The following PRR16 variants were observed in gnomAD, a reference collection of about 807,000 sequenced individuals.
PRR16 encodes the protein proline rich 16, also known as protein Largen.
A neutral mutation model predicts 18.2 loss-of-function variants in PRR16; 6 were observed. That is an observed-to-expected ratio of 0.33 (90% CI 0.18 to 0.65). The LOEUF (loss-of-function observed/expected upper bound fraction) is 0.65. PRR16 is among the 30% of genes least tolerant of loss of function. The pLI is 0.74. For synonymous variants in PRR16, 151 were observed against 147.8 expected (o/e 1.02, Z -0.16); for missense variants, 412 against 376.6 (o/e 1.09, Z -0.78).
chr5:120,638,355 C>T (rs1228962258), intron 1 of PRR16, among the ~76,000 whole-genome samples: 1 of 152,042 alleles, frequency 6.6e-6, no homozygotes, highest in Non-Finnish European at 1.5e-5. Flanking sequence ...GTGGTATTTT[C>T]AAACAGAAGT....
chr5:120,662,862 T>C (rs1363916534), intron 1 of PRR16, among the ~76,000 whole-genome samples: 1 of 151,986 alleles, frequency 6.6e-6, no homozygotes, highest in Non-Finnish European at 1.5e-5. Context: ...GGAATAGGGG[T>C]GGAGGACAAT....
At chr5:120,643,746 T>G (rs1179182666) in intron 1 of PRR16, among the ~76,000 whole-genome samples, 2 of 152,114 alleles carry the variant, frequency 1.3e-5, no homozygotes, top group African/African-American at 4.8e-5. Flanking sequence ...GGCTCACACC[T>G]GCAATTACAG....
the PRR16 span, among the ~76,000 whole-genome samples, chr5:120,738,079 T>G: frequency 6.6e-6 from 1 of 151,722 alleles, no homozygotes; most frequent in African/African-American, 2.4e-5. Context: ...AGCAACTAGG[T>G]ATTAGAGTAG....
intron 1 of PRR16, among the ~76,000 whole-genome samples, chr5:120,514,673 C>A (rs907885532): frequency 6.6e-6 from 1 of 152,172 alleles, no homozygotes; most frequent in African/African-American, 2.4e-5. Flanking sequence ...ACCAGGATAG[C>A]CTTTACTCTA....
At chr5:120,739,744 A>G in the PRR16 span, among the ~76,000 whole-genome samples, 2 of 152,176 alleles carry the variant, frequency 1.3e-5, no homozygotes, top group Non-Finnish European at 2.9e-5. Flanking sequence ...AGCACAAATT[A>G]TCAATTTAAG....
At chr5:120,682,132 T>G (rs537930409) in intron 1 of PRR16, among the ~76,000 whole-genome samples, 1 of 152,324 alleles carries the variant, frequency 6.6e-6, no homozygotes, top group East Asian at 1.9e-4. Context: ...ACAGTGCCCT[T>G]GAGCCAAAAC....
chr5:120,634,900 C>A (rs2112845996), intron 1 of PRR16, among the ~76,000 whole-genome samples: 1 of 151,660 alleles, frequency 6.6e-6, no homozygotes, highest in Non-Finnish European at 1.5e-5. Flanking sequence ...AGAGAAGATC[C>A]AAGTAAACTC....
intron 1 of PRR16, among the ~76,000 whole-genome samples, chr5:120,494,438 T>C (rs1283016019): frequency 6.6e-6 from 1 of 152,042 alleles, no homozygotes; most frequent in Non-Finnish European, 1.5e-5. Flanking sequence ...GTCTGTTATG[T>C]CTTCTGTCCA....
chr5:120,652,878 A>T (rs934548213), intron 1 of PRR16, among the ~76,000 whole-genome samples: 109 of 152,144 alleles, frequency 7.2e-4, no homozygotes, highest in African/African-American at 2.6e-3. Context: ...GATGCTAAAA[A>T]TAGGGGAAAC....
chr5:120,563,346 G>T (rs1165120809), intron 1 of PRR16, among the ~76,000 whole-genome samples: 1 of 152,150 alleles, frequency 6.6e-6, no homozygotes, highest in Non-Finnish European at 1.5e-5. Context: ...GATCCCCCAG[G>T]TCCTAGTAGG....
chr5:120,790,531 A>T, the PRR16 span: 1 of 152,252 alleles, frequency 6.6e-6, no homozygotes, highest in Non-Finnish European at 1.5e-5. Context: ...TGCTGTTTGC[A>T]GACAGAGAAT....
chr5:120,669,671 T>A (rs577359516), intron 1 of PRR16, among the ~76,000 whole-genome samples: 2 of 152,244 alleles, frequency 1.3e-5, no homozygotes, highest in African/African-American at 4.8e-5. Flanking sequence ...AAGAGGTGTT[T>A]TTTAAATAAT....
At chr5:120,517,899 A>G (rs926330548) in intron 1 of PRR16, among the ~76,000 whole-genome samples, 9 of 152,160 alleles carry the variant, frequency 5.9e-5, no homozygotes, top group Admixed American at 1.3e-4. Context: ...GAGATCTACG[A>G]GGACTTCCTG....
the PRR16 span, among the ~76,000 whole-genome samples, chr5:120,793,335 G>GA: frequency 4.6e-5 from 7 of 150,720 alleles, no homozygotes; most frequent in African/African-American, 1.7e-4. Flanking sequence ...CCCTGCCTCA[G>GA]AAAAAAATAA....
chr5:120,754,323 T>C, the PRR16 span, among the ~76,000 whole-genome samples: 1 of 77,244 alleles, frequency 1.3e-5, no homozygotes, highest in Non-Finnish European at 2.3e-5. Context: ...CATATAAATA[T>C]TATATGTTAT....
intron 1 of PRR16, among the ~76,000 whole-genome samples, chr5:120,565,718 A>G (rs1752715424): frequency 6.6e-6 from 1 of 152,256 alleles, no homozygotes; most frequent in African/African-American, 2.4e-5. Flanking sequence ...TTCCTGTGAA[A>G]TAGCTTTGTT....
the PRR16 span, among the ~76,000 whole-genome samples, chr5:120,709,229 G>A: frequency 1.3e-5 from 2 of 151,672 alleles, no homozygotes; most frequent in Non-Finnish European, 1.5e-5. Context: ...GGATGGTCTC[G>A]ATCTCCTGAC....
intron 1 of PRR16, among the ~76,000 whole-genome samples, chr5:120,611,388 A>G (rs1238682545): frequency 2.6e-5 from 4 of 152,210 alleles, no homozygotes; most frequent in South Asian, 4.1e-4. Context: ...TCTCCAGGCT[A>G]TGTCAGAGAC....
intron 1 of PRR16, among the ~76,000 whole-genome samples, chr5:120,523,346 G>A (rs1751248312): frequency 6.6e-6 from 1 of 152,206 alleles, no homozygotes; most frequent in Middle Eastern, 3.4e-3. Flanking sequence ...GTAGCCTATG[G>A]TATTAAGTCT....
Sources: allele counts gnomAD v4.1 joint callset (sites outside exome capture counted in the v4.1 genomes callset), GRCh38; gene constraint gnomAD v4.1.1; transcripts MANE v1.5; gene names NCBI Gene and HGNC (gene_info 2026-07-23, HGNC 2026-07-21).